Variants in STAU2 observed in about 807,000 individuals in gnomAD.
The protein encoded by STAU2 is staufen double-stranded RNA binding protein 2, also known as double-stranded RNA-binding protein Staufen homolog 2.
A neutral mutation model predicts 65.9 loss-of-function variants in STAU2; 20 were observed. The ratio of observed to expected loss-of-function variants is 0.30; its 90% CI spans 0.21 to 0.44. STAU2 has a LOEUF of 0.44. STAU2 is among the 20% of genes least tolerant of loss of function. STAU2 has a pLI of 1.00. For missense variants in STAU2, 558 were observed against 683.9 expected, an observed-to-expected ratio of 0.82 and a Z score of 2.05; for synonymous variants, 232 against 233.9, an observed-to-expected ratio of 0.99 and a Z score of 0.07.
chr8:73,519,332 A>T (rs1050777078), intron 13 of STAU2, among the ~76,000 whole-genome samples: 4 of 152,134 alleles, frequency 2.6e-5, no homozygotes, highest in Non-Finnish European at 5.9e-5. Context: ...TCTTGCTCAA[A>T]CCTATGACGT....
At chr8:73,497,092 T>C (rs1388775525) in intron 13 of STAU2, among the ~76,000 whole-genome samples, 3 of 151,736 alleles carry the variant, frequency 2.0e-5, no homozygotes, top group African/African-American at 4.8e-5. Flanking sequence ...TTCTGGATGA[T>C]TTTTTTCTAA....
chr8:73,699,689 T>C (rs1819945525), intron 4 of STAU2, among the ~76,000 whole-genome samples: 1 of 151,736 alleles, frequency 6.6e-6, no homozygotes, highest in African/African-American at 2.4e-5. Context: ...AGCTTCCCAG[T>C]AAAGAAAAGG....
chr8:73,641,708 T>C (rs1167161787), intron 6 of STAU2, among the ~76,000 whole-genome samples: 1 of 152,246 alleles, frequency 6.6e-6, no homozygotes, highest in Non-Finnish European at 1.5e-5. Flanking sequence ...TGGTTTAATC[T>C]GGTATTGTCC....
intron 7 of STAU2, 39 bp downstream of exon 7, chr8:73,617,253 A>G (rs1485063794): frequency 6.3e-7 from 1 of 1,593,950 alleles, no homozygotes; most frequent in African/African-American, 1.4e-5. Flanking sequence ...TCACTGGGAA[A>G]GTAGAAAGAA....
chr8:73,439,510 C>T (rs1228330595), intron 13 of STAU2, among the ~76,000 whole-genome samples: 1 of 152,180 alleles, frequency 6.6e-6, no homozygotes, highest in African/African-American at 2.4e-5. Flanking sequence ...CCCAGCTACT[C>T]AAGAGCCTGA....
In STAU2 at chr8:73,477,308, ATC is replaced by A; in HGVS notation, c.1531-54608_1531-54607del. ...AATGCTTTACACACCGTAGGATCTC[ATC>A]TATTAGTTAGCTCTGAAATAACTTT... On this transcript the variant is annotated intron_variant, in intron 13 of 14. Coordinates refer to ENST00000524300, the MANE Select transcript of STAU2 (RefSeq NM_001164380.2). Among the ~76,000 whole-genome samples the A allele has an allele frequency of 2.0e-5, 3 of 152,290 alleles. No homozygotes were observed. The South Asian group carries it at 6.2e-4, about 32-fold the overall frequency.
Position 73,474,491 on chromosome 8 carries a change from A to T in STAU2, c.1531-51789T>A, listed in dbSNP as rs560217777. Among the ~76,000 whole-genome samples, 81 of 152,306 alleles carry T rather than the reference A, an allele frequency of 5.3e-4. 2 individuals carry two copies. In the South Asian group the frequency reaches 0.016, roughly 30 times the overall value. On this transcript the variant is annotated intron_variant, in intron 13 of 14. Transcript: ENST00000524300. ...AAAAGACCTTCAACACTTTCTACTC[A>T]CAATCCGCTGCTCTATTAACAAACA...
chr8:73,573,915 A>C (rs112199815), intron 12 of STAU2, among the ~76,000 whole-genome samples: 2 of 152,230 alleles, frequency 1.3e-5, no homozygotes, highest in African/African-American at 2.4e-5. Flanking sequence ...GGATCTAATT[A>C]AACTAAAGAG....
chr8:73,604,957 G>A (rs1403396426), intron 9 of STAU2, among the ~76,000 whole-genome samples: 1 of 151,934 alleles, frequency 6.6e-6, no homozygotes, highest in Non-Finnish European at 1.5e-5. Context: ...TAGCTCATAT[G>A]TACAGGAATA....
chr8:73,442,337 G>C (rs968495448), intron 13 of STAU2, among the ~76,000 whole-genome samples: 8 of 130,734 alleles, frequency 6.1e-5, no homozygotes, highest in African/African-American at 1.2e-4. Flanking sequence ...CTGGGCGACA[G>C]AGCGAGACTC....
chr8:73,717,260 C>T (rs1821313242), intron 3 of STAU2, among the ~76,000 whole-genome samples: 1 of 152,058 alleles, frequency 6.6e-6, no homozygotes, highest in Non-Finnish European at 1.5e-5. Context: ...TTACCAGTGT[C>T]TTTTAAAGAG....
Position 73,421,003 on chromosome 8 carries a change from C to T in STAU2, c.*369G>A, listed in dbSNP as rs568242190. The T allele has an allele frequency of 2.4e-4, 45 of 185,128 alleles. No homozygotes were observed. The highest frequency in any genetic ancestry group is 9.8e-4 in the Admixed American group (17 of 17,336). 11.5% of individuals were successfully genotyped at this position (185,128 alleles called of 1,614,324 possible). A position where few individuals can be genotyped will look rare whatever the true frequency, so the allele number is the denominator to read the frequency against. On this transcript the variant is annotated 3_prime_UTR_variant, in exon 15 of 15. Coordinates refer to ENST00000524300, the MANE Select transcript of STAU2 (RefSeq NM_001164380.2). ...AGAATATAACTGAACACAAGCACCA[C>T]GACAAAACAATCATAACAACAGAAC...
Position 73,463,021 on chromosome 8 carries a change from C to G in STAU2, c.1531-40319G>C, listed in dbSNP as rs140847826. On this transcript the variant is annotated intron_variant, in intron 13 of 14. Coordinates refer to ENST00000524300, the MANE Select transcript of STAU2 (RefSeq NM_001164380.2). ...GCCCCTTCTTCTTCCTTCCAGGATG[C>G]CTGCCTGCCGGCCTCTCCACTTGCA... 2.6e-5 allele frequency among the ~76,000 whole-genome samples: 4 copies of G among 152,348 alleles called. No homozygotes were observed. In the East Asian group the frequency reaches 7.7e-4, roughly 29 times the overall value.
At chr8:73,522,262 G>T (rs573989573) in intron 13 of STAU2, among the ~76,000 whole-genome samples, 2 of 152,152 alleles carry the variant, frequency 1.3e-5, no homozygotes, top group Admixed American at 1.3e-4. Context: ...AAGATACTTA[G>T]TAACATCTAA....
At chr8:73,621,829 G>T (rs74909705) in intron 6 of STAU2, among the ~76,000 whole-genome samples, 1 of 152,054 alleles carries the variant, frequency 6.6e-6, no homozygotes, top group Non-Finnish European at 1.5e-5. Context: ...CTCTCTGCAC[G>T]ATAAAGGTCC....
chr8:73,709,032 C>A lies in STAU2; in HGVS notation c.114G>T (p.Lys38Asn). 1 of 1,519,858 alleles carries A rather than the reference C, an allele frequency of 6.6e-7. No individual in the cohort carries two copies. The highest frequency in any genetic ancestry group is 8.8e-7 in the Non-Finnish European group (1 of 1,139,286). 94.1% of individuals were successfully genotyped at this position (1,519,858 alleles called of 1,614,324 possible). ...LLNERGPAHS[K>N]MFSVQLSLGE... ...TCACCACCTCTCTTCATAACCTTAC[C>A]TTTGAATGAGCAGGCCCTCTTTCAT... The change falls in exon 4 of 15, where the codon AAG becomes AAT. Residue 38 changes from lysine (K) to asparagine (N), a missense_variant and splice_region_variant. Physicochemically the swap from Lys to Asn is moderately conservative, Grantham distance 94 (BLOSUM62 0). Transcript: ENST00000524300.
chr8:73,432,027 T>C (rs534075641), intron 13 of STAU2, among the ~76,000 whole-genome samples: 1 of 152,254 alleles, frequency 6.6e-6, no homozygotes, highest in Non-Finnish European at 1.5e-5. Context: ...CCAATGGATC[T>C]TTTTATTTTG....
intron 13 of STAU2, among the ~76,000 whole-genome samples, chr8:73,496,797 T>C (rs1282974597): frequency 1.3e-5 from 2 of 151,736 alleles, no homozygotes; most frequent in African/African-American, 2.4e-5. Flanking sequence ...AAATCCAGTG[T>C]GCATTTTATG....
At chr8:73,687,296 A>ATATTTATATTTATAAATATAATTTATATT (rs1328335540) in intron 5 of STAU2, among the ~76,000 whole-genome samples, 1 of 126,570 alleles carries the variant, frequency 7.9e-6, no homozygotes, top group East Asian at 2.0e-4. Context: ...ATTTATATTT[A>ATATTTATATTTATAAATATAATTTATATT]TATTTATAAA....
Sources: allele counts gnomAD v4.1 joint callset (sites outside exome capture counted in the v4.1 genomes callset), GRCh38; gene constraint gnomAD v4.1.1; transcripts MANE v1.5; gene names NCBI Gene and HGNC (gene_info 2026-07-23, HGNC 2026-07-21).